Variants in TAOK1 observed in about 807,000 individuals in gnomAD.
TAOK1 encodes the protein serine/threonine-protein kinase TAO1.
Under a neutral mutation model 138.3 loss-of-function variants are expected in TAOK1, and 21 were observed. The ratio of observed to expected loss-of-function variants is 0.15; its 90% CI spans 0.11 to 0.22. The LOEUF (loss-of-function observed/expected upper bound fraction) is 0.22, where lower values mean the gene tolerates loss of function less well. Ranked by LOEUF, TAOK1 falls within the 10% of genes least tolerant of loss-of-function variation. The pLI, the probability that TAOK1 is intolerant of heterozygous loss-of-function variation, is 1.00. For missense variants in TAOK1, 651 were observed against 1,227.7 expected (o/e 0.53, Z 7.02); for synonymous variants, 361 against 398.4 (o/e 0.91, Z 1.12).
At chr17:29,528,137 C>T (rs368567323) in intron 17 of TAOK1, among the ~76,000 whole-genome samples, 1 of 152,146 alleles carries the variant, frequency 6.6e-6, no homozygotes, top group East Asian at 1.9e-4. Context: ...GCAGCCTCCA[C>T]CTCCCGGGTT....
chr17:29,517,101 C>T (rs1476334981), intron 15 of TAOK1, among the ~76,000 whole-genome samples: 1 of 152,104 alleles, frequency 6.6e-6, no homozygotes, highest in East Asian at 1.9e-4. Flanking sequence ...ATTCTCCTGC[C>T]TCAGCCTCCC....
At chr17:29,457,089 C>CTTTTTTTTTTTTTTTT in intron 2 of TAOK1, among the ~76,000 whole-genome samples, 172 of 107,414 alleles carry the variant, frequency 1.6e-3, no homozygotes, top group Non-Finnish European at 2.1e-3. Context: ...TTTTCTTTTT[C>CTTTTTTTTTTTTTTTT]TTTTTTTTTT....
At chr17:29,533,068 C>T (rs1306293059) in intron 18 of TAOK1, among the ~76,000 whole-genome samples, 2 of 138,772 alleles carry the variant, frequency 1.4e-5, no homozygotes, top group African/African-American at 5.3e-5. Context: ...GGAGATGCTC[C>T]TCACTTCCCA....
intron 2 of TAOK1, among the ~76,000 whole-genome samples, chr17:29,454,825 T>G (rs1453763428): frequency 3.6e-4 from 54 of 151,638 alleles, no homozygotes. Context: ...CCTCAGCCTC[T>G]CAAGTAGCTG....
chr17:29,456,719 G>A (rs890363383), intron 2 of TAOK1, among the ~76,000 whole-genome samples: 1 of 150,408 alleles, frequency 6.6e-6, no homozygotes, highest in Non-Finnish European at 1.5e-5. Flanking sequence ...TTCTCATATA[G>A]TTCTATTTCT....
intron 1 of TAOK1, among the ~76,000 whole-genome samples, chr17:29,449,026 T>C (rs1198068260): frequency 6.6e-6 from 1 of 151,966 alleles, no homozygotes; most frequent in Non-Finnish European, 1.5e-5. Flanking sequence ...AGACTTTGAG[T>C]GGGAATTTGT....
chr17:29,397,672 T>TATACATGTATATATGTATG (rs74203913), intron 1 of TAOK1, among the ~76,000 whole-genome samples: 1 of 59,614 alleles, frequency 1.7e-5, no homozygotes, highest in Non-Finnish European at 3.1e-5. Flanking sequence ...ATGATACATG[T>TATACATGTATATATGTATG]ATACATGTAT....
chr17:29,464,378 A>T (rs1053336090), intron 2 of TAOK1, among the ~76,000 whole-genome samples: 5 of 150,286 alleles, frequency 3.3e-5, no homozygotes, highest in Non-Finnish European at 5.9e-5. Flanking sequence ...TGGGAGGCAG[A>T]GTTTGCAGTG....
intron 12 of TAOK1, among the ~76,000 whole-genome samples, chr17:29,499,544 T>TTTTC (rs1392368182): frequency 1.4e-5 from 2 of 139,784 alleles, no homozygotes; most frequent in African/African-American, 2.7e-5. Context: ...TTATATCTTT[T>TTTTC]TTTCTTTCTT....
At chr17:29,495,012 C>T (rs2031385481) in intron 10 of TAOK1, among the ~76,000 whole-genome samples, 1 of 151,774 alleles carries the variant, frequency 6.6e-6, no homozygotes, top group South Asian at 2.1e-4. Context: ...TTTTTTTCTA[C>T]TTTTTGTATT....
At chr17:29,471,065 C>A (rs934895804) in intron 3 of TAOK1, among the ~76,000 whole-genome samples, 9 of 151,446 alleles carry the variant, frequency 5.9e-5, no homozygotes, top group African/African-American at 1.7e-4. Flanking sequence ...GGAAGAGGTA[C>A]AAGAATCACT....
chr17:29,499,560 CTTTCTTTT>C (rs1185665177), intron 12 of TAOK1, among the ~76,000 whole-genome samples: 12 of 109,160 alleles, frequency 1.1e-4, no homozygotes, highest in Admixed American at 9.1e-4. Context: ...TTCTTTCTTT[CTTTCTTTT>C]TTTTTTTTGA....
chr17:29,409,333 A>ATTTT (rs869195465), intron 1 of TAOK1, among the ~76,000 whole-genome samples: 49 of 59,036 alleles, frequency 8.3e-4, no homozygotes, highest in African/African-American at 2.5e-3. Flanking sequence ...ATATATATAT[A>ATTTT]TTTTTTTTTT....
At chr17:29,473,253 G>A (rs2030868951) in intron 3 of TAOK1, among the ~76,000 whole-genome samples, 1 of 152,154 alleles carries the variant, frequency 6.6e-6, no homozygotes, top group Admixed American at 6.6e-5. Flanking sequence ...GTCCTTTGAA[G>A]CTTTGAAACC....
chr17:29,418,506 A>G (rs935896697), intron 1 of TAOK1, among the ~76,000 whole-genome samples: 5 of 152,050 alleles, frequency 3.3e-5, no homozygotes, highest in Admixed American at 1.3e-4. Context: ...CACCCAGCCT[A>G]TCATAGCTTT....
chr17:29,529,890 A>G (rs2032073651), intron 17 of TAOK1, among the ~76,000 whole-genome samples: 1 of 151,256 alleles, frequency 6.6e-6, no homozygotes, highest in Non-Finnish European at 1.5e-5. Context: ...AGCTGAACAT[A>G]GTGGCGCACA....
chr17:29,522,410 T>C lies in TAOK1; in HGVS notation c.2039T>C (p.Leu680Ser), dbSNP rs1567743394. 1 of 1,614,168 alleles carries C rather than the reference T, an allele frequency of 6.2e-7. No homozygotes were observed. The highest frequency in any genetic ancestry group is 8.5e-7 in the Non-Finnish European group (1 of 1,180,040). Residue 680 changes from leucine (L) to serine (S), a missense_variant, in exon 17 of 20, where the codon TTA (leucine) becomes TCA (serine). Leu to Ser is a moderately radical substitution (Grantham distance 145). Transcript: ENST00000261716. ...AAGATGCGCTGTGAGTTGATCAGAT[T>C]ACAGCATCAAACTGAGCTCACTAAC... ...IQKMRCELIR[L>S]QHQTELTNQL...
chr17:29,458,311 C>A (rs1022152095), intron 2 of TAOK1, among the ~76,000 whole-genome samples: 5 of 152,144 alleles, frequency 3.3e-5, no homozygotes, highest in African/African-American at 1.2e-4. Context: ...AGTCATCAGG[C>A]AAGCTTATGT....
chr17:29,496,855 G>A (rs969505250), intron 11 of TAOK1, among the ~76,000 whole-genome samples: 2 of 152,076 alleles, frequency 1.3e-5, no homozygotes, highest in Middle Eastern at 3.2e-3. Flanking sequence ...CAAAGTGCTA[G>A]GATTACAGGT....
Sources: allele counts gnomAD v4.1 joint callset (sites outside exome capture counted in the v4.1 genomes callset), GRCh38; gene constraint gnomAD v4.1.1; transcripts MANE v1.5; gene names NCBI Gene and HGNC (gene_info 2026-07-23, HGNC 2026-07-21).